NAALADL2: variants seen among roughly 807,000 people sequenced by gnomAD.
NAALADL2 encodes inactive N-acetylated-alpha-linked acidic dipeptidase-like protein 2.
Under a neutral mutation model 87.2 loss-of-function variants are expected in NAALADL2, and 76 were observed. That is an observed-to-expected ratio of 0.87 (90% confidence interval 0.72 to 1.05). The LOEUF (loss-of-function observed/expected upper bound fraction) is 1.05, where lower values mean the gene tolerates loss of function less well. Among genes scored for constraint, NAALADL2 ranks in the 50% least tolerant of loss-of-function variants. The probability of loss-of-function intolerance (pLI) is 0.00; values close to 1 mark genes in which losing one functional copy is unlikely to be tolerated. For synonymous variants in NAALADL2, 354 were observed against 331.0 expected (o/e 1.07, Z -0.75); for missense variants, 1,089 against 945.8 (o/e 1.15, Z -1.99).
At chr3:175,546,231 C>A (rs1200492359) in intron 9 of NAALADL2, among the ~76,000 whole-genome samples, 1 of 151,952 alleles carries the variant, frequency 6.6e-6, no homozygotes, top group Non-Finnish European at 1.5e-5. Context: ...TTTCTGTTTT[C>A]CATTTTTTTG....
intron 10 of NAALADL2, among the ~76,000 whole-genome samples, chr3:175,594,021 G>T (rs1044971687): frequency 2.0e-5 from 3 of 151,690 alleles, no homozygotes; most frequent in Non-Finnish European, 4.4e-5. Flanking sequence ...TTATACACAG[G>T]GGGTACATGT....
At chr3:175,228,382 A>G (rs971972906) in intron 2 of NAALADL2, among the ~76,000 whole-genome samples, 1 of 151,998 alleles carries the variant, frequency 6.6e-6, no homozygotes. Context: ...AAGGTGTTAT[A>G]GTGCATTTCC....
intron 3 of NAALADL2, among the ~76,000 whole-genome samples, chr3:174,772,573 C>A (rs575933416): frequency 2.6e-5 from 4 of 152,244 alleles, no homozygotes; most frequent in East Asian, 3.9e-4. Context: ...AGGCCCCATT[C>A]TGAGAAACCA....
At chr3:174,719,806 T>C (rs1176026118) in intron 2 of NAALADL2, among the ~76,000 whole-genome samples, 1 of 152,192 alleles carries the variant, frequency 6.6e-6, no homozygotes, top group Non-Finnish European at 1.5e-5. Context: ...TTTATTTATT[T>C]ATTTTTGAGA....
At chr3:174,563,919 A>G (rs1166123366) in intron 2 of NAALADL2, among the ~76,000 whole-genome samples, 1 of 152,170 alleles carries the variant, frequency 6.6e-6, no homozygotes, top group Non-Finnish European at 1.5e-5. Context: ...CCTGCAAAGT[A>G]CTGCTTTAAA....
intron 3 of NAALADL2, among the ~76,000 whole-genome samples, chr3:174,741,620 T>A (rs1733771136): frequency 6.6e-6 from 1 of 151,600 alleles, no homozygotes; most frequent in Admixed American, 6.6e-5. Context: ...ATTCATATAG[T>A]GAATAAAAAG....
intron 9 of NAALADL2, among the ~76,000 whole-genome samples, chr3:175,571,912 A>G (rs540167378): frequency 3.6e-4 from 55 of 152,356 alleles, no homozygotes; most frequent in African/African-American, 1.2e-3. Flanking sequence ...TGAAAGGACA[A>G]AATGAACACA....
chr3:175,724,058 C>A lies in NAALADL2; in HGVS notation c.1897-13248C>A, dbSNP rs201790748. 3.3e-5 allele frequency among the ~76,000 whole-genome samples: 5 copies of A among 152,220 alleles called. No homozygotes were observed. In the East Asian group the frequency reaches 9.7e-4, roughly 29 times the overall value. ...ATCCAAAGCCCCTTTAGTACAGTAACTATGTCACAGTTTTACCATTTAACT... is the reference window on the plus strand; with the variant it reads ...ATCCAAAGCCCCTTTAGTACAGTAAATATGTCACAGTTTTACCATTTAACT... On this transcript the variant is annotated intron_variant, in intron 11 of 13. Coordinates refer to ENST00000454872, the MANE Select transcript of NAALADL2 (RefSeq NM_207015.3).
At chr3:175,315,096 A>G (rs557164478) in intron 4 of NAALADL2, among the ~76,000 whole-genome samples, 7 of 152,044 alleles carry the variant, frequency 4.6e-5, no homozygotes, top group Non-Finnish European at 7.4e-5. Context: ...ATTCTTTGTT[A>G]TTGTTGTTGA....
intron 2 of NAALADL2, among the ~76,000 whole-genome samples, chr3:174,674,721 T>G (rs1726886794): frequency 6.6e-6 from 1 of 152,106 alleles, no homozygotes; most frequent in Admixed American, 6.6e-5. Context: ...ACTATCATTT[T>G]CCCTGCCTTT....
chr3:174,671,447 G>T (rs1726524653), intron 2 of NAALADL2, among the ~76,000 whole-genome samples: 1 of 152,030 alleles, frequency 6.6e-6, no homozygotes, highest in African/African-American at 2.4e-5. Context: ...GGGAAAGATA[G>T]ACACAACCCC....
At chr3:174,763,412 C>A (rs1713309052) in intron 3 of NAALADL2, among the ~76,000 whole-genome samples, 1 of 151,192 alleles carries the variant, frequency 6.6e-6, no homozygotes, top group South Asian at 2.1e-4. Context: ...CATGGTGAAA[C>A]CCTGTCTCTA....
At chr3:175,168,416 GA>G (rs1169870093) in intron 2 of NAALADL2, among the ~76,000 whole-genome samples, 3 of 151,784 alleles carry the variant, frequency 2.0e-5, no homozygotes, top group Non-Finnish European at 4.4e-5. Context: ...GTTAGCATGA[GA>G]AATGTTCAAG....
intron 1 of NAALADL2, among the ~76,000 whole-genome samples, chr3:174,860,591 A>G (rs569018154): frequency 9.2e-5 from 14 of 152,162 alleles, no homozygotes; most frequent in African/African-American, 3.1e-4. Context: ...GTTTGTTCCA[A>G]TTGTGCATAT....
intron 5 of NAALADL2, among the ~76,000 whole-genome samples, chr3:175,343,049 T>A (rs1227006612): frequency 6.6e-6 from 1 of 152,074 alleles, no homozygotes; most frequent in Non-Finnish European, 1.5e-5. Context: ...AGTAGTAGAA[T>A]TGTGTTAATA....
chr3:175,386,024 G>A (rs1335807189), intron 5 of NAALADL2, among the ~76,000 whole-genome samples: 1 of 152,128 alleles, frequency 6.6e-6, no homozygotes, highest in Non-Finnish European at 1.5e-5. Context: ...TGTGAGCATC[G>A]TATGACCTCC....
At chr3:174,709,455 A>G (rs1242440829) in intron 2 of NAALADL2, among the ~76,000 whole-genome samples, 1 of 152,156 alleles carries the variant, frequency 6.6e-6, no homozygotes, top group Non-Finnish European at 1.5e-5. Context: ...TTCTTTAATT[A>G]AAGAAGGCCT....
intron 6 of NAALADL2, among the ~76,000 whole-genome samples, chr3:175,453,818 T>C (rs767306585): frequency 2.0e-5 from 3 of 152,142 alleles, no homozygotes; most frequent in Non-Finnish European, 4.4e-5. Flanking sequence ...ATATTATTCA[T>C]GTTAAAATCT....
chr3:175,354,964 TA>T (rs1764188413), intron 5 of NAALADL2, among the ~76,000 whole-genome samples: 1 of 150,050 alleles, frequency 6.7e-6, no homozygotes, highest in Non-Finnish European at 1.5e-5. Context: ...TGTGTATATA[TA>T]ATTTTTAAAT....
Sources: allele counts gnomAD v4.1 joint callset (sites outside exome capture counted in the v4.1 genomes callset), GRCh38; gene constraint gnomAD v4.1.1; transcripts MANE v1.5; gene names NCBI Gene and HGNC (gene_info 2026-07-23, HGNC 2026-07-21).